ERC2: variants seen among roughly 807,000 people sequenced by gnomAD.
ERC2 encodes ERC protein 2.
A neutral mutation model predicts 114.8 loss-of-function variants in ERC2; 42 were observed. The ratio of observed to expected loss-of-function variants is 0.37; its 90% confidence interval spans 0.29 to 0.47. The LOEUF (loss-of-function observed/expected upper bound fraction) is 0.47, where lower values mean the gene tolerates loss of function less well. Ranked by LOEUF, ERC2 falls within the 20% of genes least tolerant of loss-of-function variation. The probability of loss-of-function intolerance (pLI) is 0.99; values close to 1 mark genes in which losing one functional copy is unlikely to be tolerated. For missense variants in ERC2, 939 were observed against 1,150.7 expected (o/e 0.82, Z 2.66); for synonymous variants, 454 against 425.5 (o/e 1.07, Z -0.82).
chr3:56,321,868 G>A (rs2150424252), intron 2 of ERC2, among the ~76,000 whole-genome samples: 1 of 152,254 alleles, frequency 6.6e-6, no homozygotes, highest in Admixed American at 6.5e-5. Flanking sequence ...TATAACAACA[G>A]TTACAACAGA....
At chr3:55,987,541 C>T (rs2070731867) in intron 11 of ERC2, among the ~76,000 whole-genome samples, 1 of 152,142 alleles carries the variant, frequency 6.6e-6, no homozygotes, top group African/African-American at 2.4e-5. Flanking sequence ...CGGCAAGAAA[C>T]ATTTATATCA....
At chr3:56,233,024 C>G (rs1471998425) in intron 3 of ERC2, among the ~76,000 whole-genome samples, 1 of 152,198 alleles carries the variant, frequency 6.6e-6, no homozygotes, top group Admixed American at 6.5e-5. Flanking sequence ...ACGTATGCAA[C>G]TAAATACAAC....
At position 55,591,600 on chromosome 3, in the gene ERC2, T is replaced by TGTGC. The variant is rs1491315996; in HGVS notation, c.*40-80325_*40-80324insGCAC. 1.1e-3 allele frequency among the ~76,000 whole-genome samples: 162 copies of TGTGC among 142,410 alleles called. No individual in the cohort carries two copies. In the Middle Eastern group the frequency reaches 0.015, roughly 13 times the overall value. The allele number at this position is 142,410 out of a possible 152,430, so 93.4% of individuals were successfully genotyped here. A position where few individuals can be genotyped will look rare whatever the true frequency, so the allele number is the denominator to read the frequency against. ...GTGTGTGTGTGTGTGTGTGTGTGTG[T>TGTGC]GCGCGCGCGTGTGGTTTTGACCAAA... is the stretch of plus-strand genomic sequence containing the variant. On this transcript the variant is annotated intron_variant, in intron 17 of 17. Coordinates refer to ENST00000288221, the MANE Select transcript of ERC2 (RefSeq NM_015576.3).
At chr3:56,041,792 T>C (rs1457537667) in intron 7 of ERC2, among the ~76,000 whole-genome samples, 1 of 152,172 alleles carries the variant, frequency 6.6e-6, no homozygotes, top group East Asian at 1.9e-4. Flanking sequence ...CTTTCTTCTT[T>C]ACTACCTGTC....
At chr3:55,584,126 C>T (rs62251517) in intron 17 of ERC2, among the ~76,000 whole-genome samples, 37,520 of 152,128 alleles carry the variant, frequency 0.25, 4,967 homozygotes, top group African/African-American at 0.3. Flanking sequence ...ACCACTGTTA[C>T]TATTCTTAGC....
chr3:55,689,531 G>A (rs530172379), intron 16 of ERC2, among the ~76,000 whole-genome samples: 28 of 152,160 alleles, frequency 1.8e-4, no homozygotes, highest in African/African-American at 5.3e-4. Flanking sequence ...CTTTATTTTC[G>A]CTCCTTCATC....
At chr3:56,357,932 G>A (rs914844118) in intron 2 of ERC2, among the ~76,000 whole-genome samples, 8 of 151,410 alleles carry the variant, frequency 5.3e-5, no homozygotes, top group African/African-American at 1.7e-4. Context: ...CACATCAAAC[G>A]ACATCATCCT....
chr3:55,998,810 G>A (rs764714571), intron 10 of ERC2, among the ~76,000 whole-genome samples: 1 of 152,034 alleles, frequency 6.6e-6, no homozygotes, highest in East Asian at 1.9e-4. Context: ...CTTTTGTTAT[G>A]TTTTTTGTAA....
intron 3 of ERC2, among the ~76,000 whole-genome samples, chr3:56,196,857 A>G (rs969532753): frequency 6.6e-6 from 1 of 152,060 alleles, no homozygotes; most frequent in African/African-American, 2.4e-5. Flanking sequence ...CCTTTCCAAA[A>G]CAGTGGAGGG....
chr3:55,566,418 T>C (rs930462661), intron 17 of ERC2, among the ~76,000 whole-genome samples: 21 of 151,586 alleles, frequency 1.4e-4, no homozygotes, highest in Non-Finnish European at 2.8e-4. Flanking sequence ...TATTTATTTA[T>C]TTATTTATTT....
At chr3:55,818,953 C>A (rs746699169) in intron 14 of ERC2, among the ~76,000 whole-genome samples, 8 of 152,204 alleles carry the variant, frequency 5.3e-5, no homozygotes, top group Non-Finnish European at 1.2e-4. Context: ...TAGGAAGGAA[C>A]AAGCTTTTAC....
At chr3:55,815,745 T>C (rs1487167569) in intron 14 of ERC2, among the ~76,000 whole-genome samples, 1 of 152,236 alleles carries the variant, frequency 6.6e-6, no homozygotes, top group East Asian at 1.9e-4. Flanking sequence ...TCCCCAGATG[T>C]AGCGGACTCT....
chr3:56,033,030 C>CAGAAAGAGGA (rs1234177372), intron 7 of ERC2, among the ~76,000 whole-genome samples: 1 of 65,184 alleles, frequency 1.5e-5, no homozygotes, highest in African/African-American at 5.4e-5. Flanking sequence ...AAAAAAGAAA[C>CAGAAAGAGGA]AGAAAGAAAG....
intron 17 of ERC2, among the ~76,000 whole-genome samples, chr3:55,681,439 A>G (rs1253822889): frequency 6.6e-6 from 1 of 152,244 alleles, no homozygotes; most frequent in East Asian, 1.9e-4. Flanking sequence ...TTTTTAATGT[A>G]CCACTATTAT....
chr3:55,540,605 T>A (rs1276967520), intron 17 of ERC2, among the ~76,000 whole-genome samples: 2 of 152,142 alleles, frequency 1.3e-5, no homozygotes, highest in Non-Finnish European at 2.9e-5. Context: ...AGTCTCCCCA[T>A]CTGTAAAACG....
chr3:55,673,780 G>A (rs896923666), intron 17 of ERC2, among the ~76,000 whole-genome samples: 1 of 150,828 alleles, frequency 6.6e-6, no homozygotes. Flanking sequence ...GGGCCAATGG[G>A]GAGACTCCCT....
intron 16 of ERC2, among the ~76,000 whole-genome samples, chr3:55,694,673 G>A (rs963737930): frequency 6.6e-6 from 1 of 152,186 alleles, no homozygotes; most frequent in African/African-American, 2.4e-5. Flanking sequence ...CACCTATTCT[G>A]AGGTTTCCAG....
rs192209988 is a variant in ERC2 at position 55,530,990 on chromosome 3, T to C, written c.*40-19714A>G. Among the ~76,000 whole-genome samples, 329 of 152,264 alleles carry C rather than the reference T, an allele frequency of 2.2e-3. 3 individuals carry two copies. Among genetic ancestry groups the C allele is most frequent in the African/African-American group, 7.7e-3 (318 of 41,556 alleles). On this transcript the variant is annotated intron_variant, in intron 17 of 17. Coordinates refer to ENST00000288221, the MANE Select transcript of ERC2 (RefSeq NM_015576.3). The stretch of plus-strand genomic sequence containing the variant: ...CCAGAGCCCAACTGACCTTTTGAAG[T>C]CTGCTCAGGGAACCTCATTATGTTG...
At chr3:56,383,037 T>A (rs1248632937) in intron 2 of ERC2, among the ~76,000 whole-genome samples, 1 of 151,992 alleles carries the variant, frequency 6.6e-6, no homozygotes, top group Non-Finnish European at 1.5e-5. Flanking sequence ...TTTTTTCCCA[T>A]CCCACAATCA....
Sources: allele counts gnomAD v4.1 joint callset (sites outside exome capture counted in the v4.1 genomes callset), GRCh38; gene constraint gnomAD v4.1.1; transcripts MANE v1.5; gene names NCBI Gene and HGNC (gene_info 2026-07-23, HGNC 2026-07-21).